The following MRPS6 variants were observed in gnomAD, a reference collection of about 807,000 sequenced individuals.
MRPS6 encodes the protein mitochondrial ribosomal protein S6, also known as small ribosomal subunit protein bS6m.
Under a neutral mutation model 13.1 loss-of-function variants are expected in MRPS6, and 6 were observed. The observed-to-expected ratio is 0.46, with a 90% CI of 0.25 to 0.91. The LOEUF is 0.91. MRPS6 is among the 40% of genes least tolerant of loss of function. The pLI is 0.18. For missense variants in MRPS6, 164 were observed against 155.6 expected (o/e 1.05, Z -0.29); for synonymous variants, 61 against 56.5 (o/e 1.08, Z -0.36).
At chr21:34,118,541 A>C (rs1385997385) in intron 1 of MRPS6, among the ~76,000 whole-genome samples, 2 of 138,270 alleles carry the variant, frequency 1.4e-5, no homozygotes, top group African/African-American at 2.8e-5. Flanking sequence ...GTTACTCCAC[A>C]TTTCTTTCTT....
chr21:34,075,087 G>A (rs191266137), intron 1 of MRPS6, among the ~76,000 whole-genome samples: 1 of 152,326 alleles, frequency 6.6e-6, no homozygotes, highest in Non-Finnish European at 1.5e-5. Context: ...CGAAAGGATA[G>A]GAGCAGTGAA....
At chr21:34,084,823 C>T (rs1465163557) in intron 1 of MRPS6, among the ~76,000 whole-genome samples, 1 of 152,164 alleles carries the variant, frequency 6.6e-6, no homozygotes. Flanking sequence ...TTTCCCTTGG[C>T]TAACATGACT....
intron 1 of MRPS6, among the ~76,000 whole-genome samples, chr21:34,093,189 A>G (rs1357566002): frequency 1.3e-5 from 2 of 151,646 alleles, no homozygotes; most frequent in Non-Finnish European, 1.5e-5. Flanking sequence ...AAATATGATC[A>G]TCTTCAGGAT....
chr21:34,095,146 TAA>T, intron 1 of MRPS6: 1 of 1,521,054 alleles, frequency 6.6e-7, no homozygotes, highest in Non-Finnish European at 8.8e-7. Context: ...TAAAAATAAA[TAA>T]AAAGTTGGAC....
chr21:34,142,757 T>TGATACG lies in MRPS6; in HGVS notation c.*158_*159insATACGG. On this transcript the variant is annotated 3_prime_UTR_variant, in exon 3 of 3. Coordinates refer to ENST00000399312, the MANE Select transcript of MRPS6 (RefSeq NM_032476.4). ...TTTTTAGCCCTTGATCCCCTTTGCT[T>TGATACG]GCGAGAGGTGGGGAACTGCTCACTG... is the stretch of plus-strand genomic sequence containing the variant. 1 of 822,120 alleles carries TGATACG rather than the reference T, an allele frequency of 1.2e-6. No individual in the cohort carries two copies. Among genetic ancestry groups the TGATACG allele is most frequent in the South Asian group, 2.6e-5 (1 of 39,198 alleles). The allele number at this position is 822,120 out of a possible 1,614,324, so 50.9% of individuals were successfully genotyped here.
intron 1 of MRPS6, chr21:34,097,610 GAA>G: frequency 8.3e-7 from 1 of 1,208,288 alleles, no homozygotes; most frequent in Non-Finnish European, 1.0e-6. Flanking sequence ...ACCAAAGTAA[GAA>G]GAGACCAATT....
At chr21:34,132,451 C>T (rs1026938078) in intron 2 of MRPS6, among the ~76,000 whole-genome samples, 21 of 152,246 alleles carry the variant, frequency 1.4e-4, no homozygotes, top group African/African-American at 4.3e-4. Context: ...GCTGAAGGAG[C>T]GTTGTCATGC....
intron 1 of MRPS6, among the ~76,000 whole-genome samples, chr21:34,110,123 A>G (rs1979639192): frequency 6.6e-6 from 1 of 152,120 alleles, no homozygotes; most frequent in Non-Finnish European, 1.5e-5. Context: ...GCTTATTTCT[A>G]AGTGCTAAGC....
intron 1 of MRPS6, among the ~76,000 whole-genome samples, chr21:34,085,591 A>T (rs1441944612): frequency 6.6e-6 from 1 of 151,106 alleles, no homozygotes; most frequent in Non-Finnish European, 1.5e-5. Context: ...AGTGTATAAG[A>T]AATAAGGACT....
chr21:34,128,894 G>C (rs16991265), intron 2 of MRPS6, among the ~76,000 whole-genome samples: 3,267 of 152,256 alleles, frequency 0.021, 125 homozygotes, highest in African/African-American at 0.073. Flanking sequence ...CCTCTAACTT[G>C]TTAACACTAA....
intron 1 of MRPS6, among the ~76,000 whole-genome samples, chr21:34,115,845 C>T (rs1979878644): frequency 1.3e-5 from 2 of 151,408 alleles, no homozygotes; most frequent in African/African-American, 4.9e-5. Flanking sequence ...GAATACTCCA[C>T]TTGTTTTGCT....
intron 1 of MRPS6, among the ~76,000 whole-genome samples, chr21:34,121,398 CAT>C (rs926256689): frequency 3.3e-5 from 5 of 152,132 alleles, no homozygotes; most frequent in African/African-American, 9.7e-5. Context: ...ATTTTAATAA[CAT>C]ATTCAGGTTT....
At chr21:34,091,077 T>C (rs750489050) in intron 1 of MRPS6, among the ~76,000 whole-genome samples, 1 of 152,210 alleles carries the variant, frequency 6.6e-6, no homozygotes, top group Non-Finnish European at 1.5e-5. Context: ...AATTATTAGC[T>C]GGCTAAGTGA....
In MRPS6 at chr21:34,096,967, A is replaced by T. The variant is rs1602930648; in HGVS notation, c.45+23222A>T. 2 of 1,614,010 alleles carry T rather than the reference A, an allele frequency of 1.2e-6. No individual in the cohort carries two copies. The highest frequency in any genetic ancestry group is 1.7e-6 in the Non-Finnish European group (2 of 1,180,002). ...ATCAACCACATCATTCCCAACGGGA[A>T]ATCTGAAGACAGCATTAAGGGCCTT... On this transcript the variant is annotated intron_variant, in intron 1 of 2. Transcript: ENST00000399312. This position sits in a 1 kb window ranked among gnomAD's most constrained non-coding sequence, Gnocchi z 5.9.
rs765610386 is a variant in MRPS6 at position 34,096,464 on chromosome 21, C to G, written c.45+22719C>G. On this transcript the variant is annotated intron_variant, in intron 1 of 2. Coordinates refer to ENST00000399312, the MANE Select transcript of MRPS6 (RefSeq NM_032476.4). This position sits in a 1 kb window ranked among gnomAD's most constrained non-coding sequence, Gnocchi z 5.9. ...TTGTGGCATTTATGGTGGTGATCAG[C>G]ATAGCATGGGTGCCAATCATCGTGG... is the stretch of plus-strand genomic sequence containing the variant. 1 of 1,614,170 alleles carries G rather than the reference C, an allele frequency of 6.2e-7. No individual in the cohort carries two copies. The highest frequency in any genetic ancestry group is 8.5e-7 in the Non-Finnish European group (1 of 1,180,024).
At chr21:34,133,422 G>C (rs919580826) in intron 2 of MRPS6, among the ~76,000 whole-genome samples, 5 of 152,200 alleles carry the variant, frequency 3.3e-5, no homozygotes, top group African/African-American at 1.2e-4. Context: ...CTTTCTCTTA[G>C]AACATGTTGA....
chr21:34,103,050 G>C, intron 1 of MRPS6: 1 of 999,978 alleles, frequency 1.0e-6, no homozygotes, highest in Non-Finnish European at 1.2e-6. Context: ...CTAGACTTCT[G>C]TAAGTGGAAT....
chr21:34,092,580 A>G (rs555782347), intron 1 of MRPS6, among the ~76,000 whole-genome samples: 4 of 152,346 alleles, frequency 2.6e-5, no homozygotes, highest in African/African-American at 9.6e-5. Context: ...TTGAGCATTC[A>G]TCAGGCAGCA....
chr21:34,134,985 G>A (rs1026612732), intron 2 of MRPS6, among the ~76,000 whole-genome samples: 4 of 152,242 alleles, frequency 2.6e-5, no homozygotes, highest in Non-Finnish European at 5.9e-5. Flanking sequence ...ATCGAAATGC[G>A]TATATTGTAA....
Sources: allele counts gnomAD v4.1 joint callset (sites outside exome capture counted in the v4.1 genomes callset), GRCh38; gene constraint gnomAD v4.1.1; non-coding constraint Gnocchi (gnomAD v3.1); transcripts MANE v1.5; gene names NCBI Gene and HGNC (gene_info 2026-07-23, HGNC 2026-07-21).